The following FAM13A variants were observed in gnomAD, a reference collection of about 807,000 sequenced individuals.
The protein encoded by FAM13A is family with sequence similarity 13 member A.
In FAM13A, 76 loss-of-function variants were observed where a neutral mutation model predicts 129.6. That is an observed-to-expected ratio of 0.59 (90% CI 0.49 to 0.71). FAM13A has a LOEUF of 0.71. Among genes scored for constraint, FAM13A ranks in the 30% least tolerant of loss-of-function variants. The pLI is 0.00. For synonymous variants in FAM13A, 443 were observed against 449.9 expected (o/e 0.98, Z 0.20); for missense variants, 1,108 against 1,249.3 (o/e 0.89, Z 1.70).
chr4:88,805,000 C>A lies in FAM13A; in HGVS notation c.1049+11G>T. 1.3e-6 allele frequency: 2 copies of A among 1,530,150 alleles called. No homozygotes were observed. Among genetic ancestry groups the A allele is most frequent in the South Asian group, 1.1e-5 (1 of 88,132 alleles). 94.8% of individuals were successfully genotyped at this position (1,530,150 alleles called of 1,614,324 possible). ...TTCCCTGTAGTAGACCAACAAAAAT[C>A]AAATAAATACCTCAAATAGAAAGGT... On this transcript the variant is annotated intron_variant, in intron 8 of 23. Coordinates refer to ENST00000264344, the MANE Select transcript of FAM13A (RefSeq NM_014883.4).
intron 4 of FAM13A, among the ~76,000 whole-genome samples, chr4:88,985,366 T>C (rs979302985): frequency 1.3e-5 from 2 of 152,218 alleles, no homozygotes; most frequent in African/African-American, 4.8e-5. Flanking sequence ...GAAAATATTC[T>C]ATAAGTGACC....
At chr4:88,749,689 T>C (rs1182412307) in intron 16 of FAM13A, 82 bp downstream of exon 16, 1 of 1,457,344 alleles carries the variant, frequency 6.9e-7, no homozygotes, top group Non-Finnish European at 9.4e-7. Context: ...CCTTAACCTT[T>C]CGTCGTTTCT....
At chr4:89,035,165 G>A (rs1041820888) in intron 1 of FAM13A, among the ~76,000 whole-genome samples, 38 of 152,020 alleles carry the variant, frequency 2.5e-4, no homozygotes, top group African/African-American at 7.3e-4. Flanking sequence ...TAGTGGGAGC[G>A]AAACACTGGG....
At chr4:89,010,925 T>C (rs183203672) in intron 3 of FAM13A, among the ~76,000 whole-genome samples, 5 of 152,250 alleles carry the variant, frequency 3.3e-5, no homozygotes, top group Middle Eastern at 3.4e-3. Context: ...CTCGGTTCAC[T>C]GCAACCTCCA....
intron 3 of FAM13A, among the ~76,000 whole-genome samples, chr4:89,017,455 C>T (rs1766645386): frequency 6.6e-6 from 1 of 151,840 alleles, no homozygotes. Flanking sequence ...TAAATGATTA[C>T]AAAATAATTC....
chr4:88,737,433 G>T, intron 21 of FAM13A, 39 bp downstream of exon 21: 1 of 1,555,814 alleles, frequency 6.4e-7, no homozygotes, highest in Non-Finnish European at 8.9e-7. Flanking sequence ...GAGGGAACTG[G>T]TGCGGATTTA....
chr4:88,913,514 A>G (rs1476974471), intron 5 of FAM13A, among the ~76,000 whole-genome samples: 6 of 146,712 alleles, frequency 4.1e-5, no homozygotes, highest in African/African-American at 9.9e-5. Context: ...AAGAGGAAGA[A>G]GAGGAGGAGG....
intron 4 of FAM13A, among the ~76,000 whole-genome samples, chr4:88,941,051 T>C (rs1554035434): frequency 6.6e-6 from 1 of 152,164 alleles, no homozygotes; most frequent in Non-Finnish European, 1.5e-5. Flanking sequence ...AAATAAATCA[T>C]GACTTAGAGG....
chr4:88,784,156 C>T (rs1365876270), intron 10 of FAM13A, among the ~76,000 whole-genome samples: 9 of 152,174 alleles, frequency 5.9e-5, no homozygotes, highest in Admixed American at 4.6e-4. Context: ...AATCCTGTCT[C>T]CTCCGAGGGA....
intron 1 of FAM13A, among the ~76,000 whole-genome samples, chr4:89,051,610 T>C (rs1248994541): frequency 6.6e-6 from 1 of 152,134 alleles, no homozygotes; most frequent in East Asian, 1.9e-4. Flanking sequence ...CTAAATATCA[T>C]CTAAATCAAC....
intron 3 of FAM13A, among the ~76,000 whole-genome samples, chr4:89,002,981 A>G (rs901660470): frequency 6.6e-5 from 10 of 152,150 alleles, no homozygotes; most frequent in African/African-American, 2.4e-4. Flanking sequence ...AGACAGTGAT[A>G]AGTCATTTAA....
intron 3 of FAM13A, among the ~76,000 whole-genome samples, chr4:89,016,536 C>T (rs1053704198): frequency 2.0e-5 from 3 of 152,206 alleles, no homozygotes; most frequent in African/African-American, 4.8e-5. Flanking sequence ...AGAGCAACTT[C>T]TAGTCCTGCA....
intron 4 of FAM13A, among the ~76,000 whole-genome samples, chr4:88,949,105 C>A (rs1468410897): frequency 2.6e-5 from 4 of 152,132 alleles, no homozygotes; most frequent in African/African-American, 9.7e-5. Flanking sequence ...CCTTGCTATT[C>A]AACATATTAG....
intron 7 of FAM13A, among the ~76,000 whole-genome samples, chr4:88,828,918 A>C (rs1180158148): frequency 6.6e-6 from 1 of 152,246 alleles, no homozygotes; most frequent in Non-Finnish European, 1.5e-5. Context: ...ATTCTACATT[A>C]TCCAGTTTCT....
At chr4:88,925,926 G>A (rs1209103944) in intron 5 of FAM13A, among the ~76,000 whole-genome samples, 3 of 152,052 alleles carry the variant, frequency 2.0e-5, no homozygotes, top group Admixed American at 2.0e-4. Flanking sequence ...CGTGGAGGGG[G>A]TAGTATTTGA....
chr4:89,039,357 A>G (rs577179278), intron 1 of FAM13A, among the ~76,000 whole-genome samples: 192 of 152,352 alleles, frequency 1.3e-3, no homozygotes, highest in Non-Finnish European at 2.3e-3. Context: ...ACATGTCATC[A>G]TGCATTTTAC....
At chr4:89,004,061 A>T (rs1319883353) in intron 3 of FAM13A, among the ~76,000 whole-genome samples, 3 of 152,040 alleles carry the variant, frequency 2.0e-5, no homozygotes, top group Non-Finnish European at 4.4e-5. Context: ...GGCCTAAAGC[A>T]ATCCTCCTAC....
At chr4:89,013,542 A>G (rs1766028516) in intron 3 of FAM13A, among the ~76,000 whole-genome samples, 1 of 152,142 alleles carries the variant, frequency 6.6e-6, no homozygotes, top group Non-Finnish European at 1.5e-5. Flanking sequence ...GGGACTACAT[A>G]TATGACTATG....
intron 6 of FAM13A, among the ~76,000 whole-genome samples, chr4:88,902,368 G>A (rs1022548682): frequency 1.3e-5 from 2 of 151,980 alleles, no homozygotes; most frequent in Admixed American, 6.6e-5. Context: ...ATAAAACACT[G>A]GCAAACCAAA....
Sources: gnomAD v4.1 joint callset for allele counts (sites outside exome capture counted in the v4.1 genomes callset) on GRCh38, gnomAD v4.1.1 for gene constraint, MANE v1.5 for transcripts, NCBI Gene and HGNC (gene_info 2026-07-23, HGNC 2026-07-21) for gene names.